The following PREPL variants were observed in gnomAD, a reference collection of about 807,000 sequenced individuals.
PREPL encodes prolyl endopeptidase like.
PREPL carries 77 observed loss-of-function variants against 70.6 expected under a neutral mutation model. The ratio of observed to expected loss-of-function variants is 1.09; its 90% confidence interval spans 0.91 to 1.32. The LOEUF (loss-of-function observed/expected upper bound fraction) is 1.32. Ranked by LOEUF, PREPL falls within the 40% of genes most tolerant of loss-of-function variation. The pLI is 0.00. For missense variants in PREPL, 1,002 were observed against 778.2 expected, an observed-to-expected ratio of 1.29 and a Z score of -3.42; for synonymous variants, 315 against 264.8, an observed-to-expected ratio of 1.19 and a Z score of -1.84.
rs376298797 is a variant in PREPL, at chr2:44,359,118, G to C, written c.-49+2262C>G. On this transcript the variant is annotated intron_variant, in intron 1 of 13. Transcript: ENST00000409411. Reference sequence around the variant, plus strand: ...CAGAGTCTCCCTGTCACCCAGGCTGGAGTGCTGTGGTGCGATCTCAGCTCA... The same window carrying C: ...CAGAGTCTCCCTGTCACCCAGGCTGCAGTGCTGTGGTGCGATCTCAGCTCA... Among the ~76,000 whole-genome samples, 56 of 144,820 alleles carry C rather than the reference G, an allele frequency of 3.9e-4. No homozygotes were observed. The East Asian group carries it at 8.0e-3, about 21-fold the overall frequency.
At chr2:44,352,738 A>G (rs1367314018) in intron 1 of PREPL, among the ~76,000 whole-genome samples, 1 of 152,238 alleles carries the variant, frequency 6.6e-6, no homozygotes, top group Non-Finnish European at 1.5e-5. Flanking sequence ...CATAAAACAT[A>G]AAATGAAAAA....
At chr2:44,332,344 T>C (rs1427596537) in intron 8 of PREPL, 115 bp downstream of exon 8, 11 of 884,476 alleles carry the variant, frequency 1.2e-5, no homozygotes, top group Non-Finnish European at 1.9e-5. Flanking sequence ...ATTACTGTGG[T>C]CTAAGAAATC....
At chr2:44,325,397 C>T (rs1673396360) in intron 10 of PREPL, among the ~76,000 whole-genome samples, 1 of 152,202 alleles carries the variant, frequency 6.6e-6, no homozygotes, top group Non-Finnish European at 1.5e-5. Context: ...TGGGCCAATT[C>T]TATGCCTTTG....
At position 44,332,439 on chromosome 2, in the gene PREPL, G is replaced by C; in HGVS notation, c.1086+20C>G. On this transcript the variant is annotated intron_variant, in intron 8 of 13. Transcript: ENST00000409411. ...TGCTTTCAGTAAATGGGAGCTGAAAGTGAAGATTATAAGACCTACCTTGCT... is the reference window on the plus strand; with the variant it reads ...TGCTTTCAGTAAATGGGAGCTGAAACTGAAGATTATAAGACCTACCTTGCT... The C allele has an allele frequency of 6.3e-7, 1 of 1,589,380 alleles. No homozygotes were observed. Among genetic ancestry groups the C allele is most frequent in the South Asian group, 1.1e-5 (1 of 90,198 alleles).
chr2:44,339,872 A>G (rs1264127080), intron 5 of PREPL, among the ~76,000 whole-genome samples: 3 of 151,574 alleles, frequency 2.0e-5, no homozygotes, highest in Non-Finnish European at 2.9e-5. Context: ...TGCATTTTGG[A>G]TTTTTTTTTC....
rs1675812600 is a variant in PREPL at position 44,346,270 on chromosome 2, C to T, written c.73G>A (p.Glu25Lys). ...PQEEYEIINVEVKHGGFVYYQ... is the reference protein window; with the variant it reads ...PQEEYEIINVKVKHGGFVYYQ... The stretch of plus-strand genomic sequence containing the variant: ...TTTAAAGACATGAGATATCTTACTT[C>T]CACATTGATGATTTCATATTCTTCT... Residue 25 changes from glutamate (E) to lysine (K), a missense_variant and splice_region_variant, in exon 2 of 14, where the codon GAA (glutamate) becomes AAA (lysine). Transcript: ENST00000409411. The T allele has an allele frequency of 6.2e-7, 1 of 1,609,466 alleles. No homozygotes were observed.
Position 44,320,549 on chromosome 2 carries a change from T to C in PREPL, c.*807A>G. The C allele has an allele frequency of 6.2e-7, 1 of 1,614,092 alleles. No homozygotes were observed. The highest frequency in any genetic ancestry group is 8.5e-7 in the Non-Finnish European group (1 of 1,179,948). On this transcript the variant is annotated 3_prime_UTR_variant, in exon 14 of 14. Transcript: ENST00000409411. ...TTGAACACAACACGAAGAATCTCCT[T>C]CATCGCCAAACAGCTTTCAGAGATA...
chr2:44,353,837 T>C (rs1486648049), intron 1 of PREPL, among the ~76,000 whole-genome samples: 2 of 151,576 alleles, frequency 1.3e-5, no homozygotes, highest in Admixed American at 1.3e-4. Flanking sequence ...TGTACCCCAA[T>C]CCCTTGCACT....
chr2:44,327,852 G>C (rs921639799), intron 9 of PREPL, among the ~76,000 whole-genome samples: 3 of 151,306 alleles, frequency 2.0e-5, no homozygotes, highest in Admixed American at 6.6e-5. Context: ...GACAGAGTGA[G>C]ACTCCATCTC....
chr2:44,348,440 T>C (rs930538575), intron 1 of PREPL, among the ~76,000 whole-genome samples: 1 of 152,236 alleles, frequency 6.6e-6, no homozygotes, highest in Non-Finnish European at 1.5e-5. Flanking sequence ...TTGTCTGTTC[T>C]GTAATTTCCA....
In PREPL at chr2:44,318,081, A is replaced by C. The variant is rs531196546; in HGVS notation, c.*3275T>G. 6.4e-5 allele frequency: 28 copies of C among 438,278 alleles called. No homozygotes were observed. The highest frequency in any genetic ancestry group is 4.4e-4 in the South Asian group (28 of 63,166). The allele number at this position is 438,278 out of a possible 1,614,324, so 27.1% of individuals were successfully genotyped here. A position where few individuals can be genotyped will look rare whatever the true frequency, so the allele number is the denominator to read the frequency against. ...TGCACATGTGCACAATAATACTTAAAGGATCTCAACACTGTTTTTTTTTTT... is the reference window on the plus strand; with the variant it reads ...TGCACATGTGCACAATAATACTTAACGGATCTCAACACTGTTTTTTTTTTT... On this transcript the variant is annotated 3_prime_UTR_variant, in exon 14 of 14. Transcript: ENST00000409411.
In PREPL at chr2:44,320,378, T is replaced by C; in HGVS notation, c.*978A>G. ...GAATCTTTATCGTGGTTCTGAATTT[T>C]GGAGAATCAACACTGTTAAATCTAC... On this transcript the variant is annotated 3_prime_UTR_variant, in exon 14 of 14. Transcript: ENST00000409411. 1 of 1,614,144 alleles carries C rather than the reference T, an allele frequency of 6.2e-7. No homozygotes were observed.
At chr2:44,329,240 T>C (rs535069619) in intron 8 of PREPL, 128 bp from the exon 9 acceptor site, 1 of 725,434 alleles carries the variant, frequency 1.4e-6, no homozygotes, top group South Asian at 2.5e-5. Flanking sequence ...AGCACAAATT[T>C]GTTTAAGAAA....
intron 1 of PREPL, among the ~76,000 whole-genome samples, chr2:44,348,810 T>C (rs2104066460): frequency 6.6e-6 from 1 of 152,370 alleles, no homozygotes; most frequent in Non-Finnish European, 1.5e-5. Context: ...TTTTATATAA[T>C]ATTCATTAAG....
chr2:44,345,801 A>T (rs1480421106), intron 2 of PREPL, among the ~76,000 whole-genome samples: 1 of 152,212 alleles, frequency 6.6e-6, no homozygotes, highest in Non-Finnish European at 1.5e-5. Flanking sequence ...ATAATAACAA[A>T]GTATGAACTA....
chr2:44,352,760 C>G (rs1445987569), intron 1 of PREPL, among the ~76,000 whole-genome samples: 2 of 151,344 alleles, frequency 1.3e-5, no homozygotes, highest in Admixed American at 6.6e-5. Context: ...ACATATTTAA[C>G]AAAAGATATC....
At chr2:44,334,187 G>A (rs1015033369) in intron 7 of PREPL, among the ~76,000 whole-genome samples, 2 of 152,152 alleles carry the variant, frequency 1.3e-5, no homozygotes, top group African/African-American at 4.8e-5. Context: ...TAAGCCTGCA[G>A]TGTATCTGTG....
intron 8 of PREPL, among the ~76,000 whole-genome samples, chr2:44,330,387 T>C (rs940156502): frequency 1.3e-5 from 2 of 152,220 alleles, no homozygotes; most frequent in South Asian, 2.1e-4. Flanking sequence ...TGCTTAACTG[T>C]TCTTTCCATC....
chr2:44,328,909 A>C, intron 9 of PREPL, 28 bp downstream of exon 9: 1 of 1,594,782 alleles, frequency 6.3e-7, no homozygotes, highest in Non-Finnish European at 8.5e-7. Context: ...TCTAGCACTT[A>C]CATGCCAGGT....
Sources: gnomAD v4.1 joint callset for allele counts (sites outside exome capture counted in the v4.1 genomes callset) on GRCh38, gnomAD v4.1.1 for gene constraint, MANE v1.5 for transcripts, NCBI Gene and HGNC (gene_info 2026-07-23, HGNC 2026-07-21) for gene names.